Variants in VTI1A observed in about 807,000 individuals in gnomAD.
The protein encoded by VTI1A is vesicle transport through interaction with t-SNAREs 1A, also known as vesicle transport through interaction with t-SNAREs homolog 1A.
VTI1A carries 22 observed loss-of-function variants against 34.9 expected under a neutral mutation model. The observed-to-expected ratio is 0.63, with a 90% confidence interval of 0.45 to 0.90. The LOEUF (loss-of-function observed/expected upper bound fraction) is 0.90, where lower values mean the gene tolerates loss of function less well. Ranked by LOEUF, VTI1A falls within the 40% of genes least tolerant of loss-of-function variation. VTI1A has a pLI of 0.00. For missense variants in VTI1A, 268 were observed against 275.6 expected, an observed-to-expected ratio of 0.97 and a Z score of 0.20; for synonymous variants, 87 against 97.3, an observed-to-expected ratio of 0.89 and a Z score of 0.62.
intron 7 of VTI1A, among the ~76,000 whole-genome samples, chr10:112,740,750 A>G (rs1249195596): frequency 2.6e-5 from 4 of 152,246 alleles, no homozygotes; most frequent in African/African-American, 9.6e-5. Context: ...ACCACTTTGG[A>G]AAACAGTTTG....
At chr10:112,705,142 A>T in intron 7 of VTI1A, among the ~76,000 whole-genome samples, 1 of 151,692 alleles carries the variant, frequency 6.6e-6, no homozygotes, top group East Asian at 1.9e-4. Flanking sequence ...GCCTCAAGCA[A>T]TCCTCCTGCC....
At chr10:112,518,093 A>C (rs1303607754) in intron 3 of VTI1A, among the ~76,000 whole-genome samples, 1 of 152,122 alleles carries the variant, frequency 6.6e-6, no homozygotes, top group African/African-American at 2.4e-5. Flanking sequence ...TAATTTTGAC[A>C]ACTAGGAAGT....
intron 5 of VTI1A, among the ~76,000 whole-genome samples, chr10:112,566,054 G>A (rs990442102): frequency 8.5e-5 from 13 of 152,098 alleles, no homozygotes; most frequent in Admixed American, 2.0e-4. Context: ...ACTTTAAAGT[G>A]TGAAATATAA....
chr10:112,510,630 A>G (rs1367793631), intron 3 of VTI1A, among the ~76,000 whole-genome samples: 1 of 151,994 alleles, frequency 6.6e-6, no homozygotes, highest in Non-Finnish European at 1.5e-5. Flanking sequence ...TGAGGCTTTG[A>G]CTCAAAAAAA....
chr10:112,527,776 CA>C (rs543916903), intron 4 of VTI1A, among the ~76,000 whole-genome samples: 16 of 151,298 alleles, frequency 1.1e-4, no homozygotes, highest in Non-Finnish European at 7.4e-5. Flanking sequence ...CTGCGTAGGC[CA>C]AAAAATAAGA....
At chr10:112,792,586 T>C (rs191164055) in intron 7 of VTI1A, among the ~76,000 whole-genome samples, 82 of 152,294 alleles carry the variant, frequency 5.4e-4, no homozygotes, top group African/African-American at 1.9e-3. Flanking sequence ...GTGATTCTCC[T>C]TTATGAAAAT....
chr10:112,641,643 T>G (rs1846578929), intron 5 of VTI1A, among the ~76,000 whole-genome samples: 1 of 152,174 alleles, frequency 6.6e-6, no homozygotes, highest in African/African-American at 2.4e-5. Flanking sequence ...CCTTAAAAGA[T>G]CTTCTTCTCT....
At chr10:112,592,866 C>G (rs1844444482) in intron 5 of VTI1A, among the ~76,000 whole-genome samples, 1 of 152,208 alleles carries the variant, frequency 6.6e-6, no homozygotes. Context: ...GTGGATAAAC[C>G]TACAATTAGA....
At chr10:112,694,734 G>A (rs545296167) in intron 7 of VTI1A, among the ~76,000 whole-genome samples, 4 of 152,146 alleles carry the variant, frequency 2.6e-5, no homozygotes, top group East Asian at 1.9e-4. Flanking sequence ...TTTGGGAGGC[G>A]GAGGCGGGCA....
intron 7 of VTI1A, among the ~76,000 whole-genome samples, chr10:112,714,344 G>A (rs770637163): frequency 1.1e-4 from 17 of 151,922 alleles, no homozygotes; most frequent in Non-Finnish European, 2.1e-4. Flanking sequence ...TCTTTTTATC[G>A]CATATATCAA....
In VTI1A at chr10:112,637,832, A is replaced by G. The variant is rs182362775; in HGVS notation, c.428-30386A>G. 1.2e-3 allele frequency among the ~76,000 whole-genome samples: 178 copies of G among 152,370 alleles called. 1 individual carries two copies. Among genetic ancestry groups the G allele is most frequent in the African/African-American group, 4.2e-3 (174 of 41,574 alleles). On this transcript the variant is annotated intron_variant, in intron 5 of 7. Coordinates refer to ENST00000393077, the MANE Select transcript of VTI1A (RefSeq NM_145206.4). Reference sequence around the variant, plus strand: ...ATTGACCTAAAAGTTCTAAATAAATAAACTTAAATCAGAATGTGTGGATTA... The same window carrying G: ...ATTGACCTAAAAGTTCTAAATAAATGAACTTAAATCAGAATGTGTGGATTA...
rs541937020 is a variant in VTI1A, at chr10:112,628,106, A to G, written c.428-40112A>G. 3.9e-5 allele frequency among the ~76,000 whole-genome samples: 6 copies of G among 152,312 alleles called. No individual in the cohort carries two copies. In the East Asian group the frequency reaches 9.6e-4, roughly 24 times the overall value. ...TACTGTCCTGTACCTTAATTTTTCT[A>G]GCCAACTCTAATTTATGTACACACC... On this transcript the variant is annotated intron_variant, in intron 5 of 7. Transcript: ENST00000393077.
At chr10:112,798,008 C>T (rs961205737) in intron 7 of VTI1A, among the ~76,000 whole-genome samples, 5 of 151,924 alleles carry the variant, frequency 3.3e-5, no homozygotes, top group Non-Finnish European at 5.9e-5. Context: ...AACACTTTGT[C>T]GTGGGACCTC....
chr10:112,474,956 C>T (rs1017888759), intron 3 of VTI1A, among the ~76,000 whole-genome samples: 6 of 152,224 alleles, frequency 3.9e-5, no homozygotes, highest in Admixed American at 3.9e-4. Context: ...GAGAATTTGC[C>T]AAAAATCTAT....
At chr10:112,519,044 A>C (rs1439892464) in intron 3 of VTI1A, among the ~76,000 whole-genome samples, 1 of 152,094 alleles carries the variant, frequency 6.6e-6, no homozygotes, top group East Asian at 1.9e-4. Flanking sequence ...ACATTAAAAG[A>C]CATTGTATAT....
chr10:112,568,624 A>C (rs554612675), intron 5 of VTI1A, among the ~76,000 whole-genome samples: 5 of 152,186 alleles, frequency 3.3e-5, no homozygotes, highest in Non-Finnish European at 7.4e-5. Flanking sequence ...GGTTCTTGGA[A>C]AGGTTAGAGA....
intron 5 of VTI1A, among the ~76,000 whole-genome samples, chr10:112,658,681 A>G (rs1847327624): frequency 6.6e-6 from 1 of 152,178 alleles, no homozygotes. Context: ...AATGAGTGAA[A>G]CAGGCCAGTG....
intron 3 of VTI1A, among the ~76,000 whole-genome samples, chr10:112,526,008 G>A (rs1850210774): frequency 6.6e-6 from 1 of 152,088 alleles, no homozygotes; most frequent in South Asian, 2.1e-4. Flanking sequence ...CCAAACTCTA[G>A]ACCCCCAAGT....
intron 3 of VTI1A, among the ~76,000 whole-genome samples, chr10:112,479,581 C>T (rs550164955): frequency 6.6e-6 from 1 of 152,336 alleles, no homozygotes; most frequent in South Asian, 2.1e-4. Context: ...ATTTATTCTT[C>T]TGAGAGCTGC....
Sources: gnomAD v4.1 joint callset for allele counts (sites outside exome capture counted in the v4.1 genomes callset) on GRCh38, gnomAD v4.1.1 for gene constraint, MANE v1.5 for transcripts, NCBI Gene and HGNC (gene_info 2026-07-23, HGNC 2026-07-21) for gene names.